Variants in KCNJ10 observed in about 807,000 individuals in gnomAD.
The protein encoded by KCNJ10 is potassium inwardly rectifying channel subfamily J member 10, also known as ATP-sensitive inward rectifier potassium channel 10.
Under a neutral mutation model 22.2 loss-of-function variants are expected in KCNJ10, and 9 were observed. The ratio of observed to expected loss-of-function variants is 0.40; its 90% CI spans 0.24 to 0.71. The LOEUF is 0.71. KCNJ10 is among the 30% of genes least tolerant of loss of function. KCNJ10 has a pLI of 0.35. For synonymous variants in KCNJ10, 184 were observed against 187.3 expected, an observed-to-expected ratio of 0.98 and a Z score of 0.15; for missense variants, 337 against 482.7, an observed-to-expected ratio of 0.70 and a Z score of 2.83.
At chr1:160,057,757 G>A (rs1272165255) in intron 1 of KCNJ10, among the ~76,000 whole-genome samples, 1 of 152,194 alleles carries the variant, frequency 6.6e-6, no homozygotes, top group Non-Finnish European at 1.5e-5. Context: ...ATTCCTTGGA[G>A]TCCCAGGGCC....
chr1:160,062,129 C>T lies in KCNJ10; in HGVS notation c.-1+7893G>A, dbSNP rs550318489. On this transcript the variant is annotated intron_variant, in intron 1 of 1. Transcript: ENST00000644903. The stretch of plus-strand genomic sequence containing the variant: ...AGGGCCTCTCCCCTCTGTGTGCCCT[C>T]TGCAGCCTGCCCTGTCAAATGCCCA... Among the ~76,000 whole-genome samples the T allele has an allele frequency of 3.0e-4, 45 of 152,176 alleles. 1 individual carries two copies. In the East Asian group the frequency reaches 6.4e-3, roughly 22 times the overall value.
chr1:160,052,751 A>G (rs896001632), intron 1 of KCNJ10, among the ~76,000 whole-genome samples: 1 of 152,216 alleles, frequency 6.6e-6, no homozygotes. Context: ...ACCTCAGTCA[A>G]GCCTCTCAGC....
chr1:160,066,632 G>A (rs907251074), intron 1 of KCNJ10, among the ~76,000 whole-genome samples: 4 of 152,106 alleles, frequency 2.6e-5, no homozygotes, highest in Admixed American at 1.3e-4. Flanking sequence ...AACCAGGACC[G>A]AATCCCACAA....
intron 1 of KCNJ10, among the ~76,000 whole-genome samples, chr1:160,062,031 C>T (rs1649210272): frequency 6.6e-6 from 1 of 151,970 alleles, no homozygotes; most frequent in South Asian, 2.1e-4. Context: ...CTCTGAGTGC[C>T]CCTTCCCCTT....
At chr1:160,054,752 A>G (rs1289247864) in intron 1 of KCNJ10, among the ~76,000 whole-genome samples, 4 of 64,214 alleles carry the variant, frequency 6.2e-5, no homozygotes, top group African/African-American at 1.8e-4. Flanking sequence ...TCCATCCCCA[A>G]CTTATCTCCA....
rs575516492 is a variant in KCNJ10, at chr1:160,042,697, G to A, written c.1-165C>T. Among the ~76,000 whole-genome samples the A allele has an allele frequency of 1.8e-4, 27 of 152,324 alleles. 2 individuals carry two copies. The South Asian group carries it at 5.4e-3, about 30-fold the overall frequency. On this transcript the variant is annotated intron_variant, in intron 1 of 1. Coordinates refer to ENST00000644903, the MANE Select transcript of KCNJ10 (RefSeq NM_002241.5). ...CTTGCTATGTGCCAGGCACTGTGCAGGGGCCGAGGCGGGTGGATCGCCTGA... is the reference window on the plus strand; with the variant it reads ...CTTGCTATGTGCCAGGCACTGTGCAAGGGCCGAGGCGGGTGGATCGCCTGA...
In KCNJ10 at chr1:160,057,342, C is replaced by G. The variant is rs141427249; in HGVS notation, c.-1+12680G>C. Among the ~76,000 whole-genome samples the G allele has an allele frequency of 1.7e-3, 257 of 152,332 alleles. 2 individuals are homozygous for G. Among genetic ancestry groups the G allele is most frequent in the African/African-American group, 5.6e-3 (234 of 41,568 alleles). On this transcript the variant is annotated intron_variant, in intron 1 of 1. Coordinates refer to ENST00000644903, the MANE Select transcript of KCNJ10 (RefSeq NM_002241.5). ...TTTTCCCTCACGTTGCCTCTCCACA[C>G]CCCAGTGGCCTTGATGATGCTCAAG...
In KCNJ10 at chr1:160,040,342, G is replaced by A; in HGVS notation, c.*1051C>T. ...ACTTTCTGGGGAATCTGTGCCCTGTGAATCTAGTTTTACTTGAGCATCCGT... is the reference window on the plus strand; with the variant it reads ...ACTTTCTGGGGAATCTGTGCCCTGTAAATCTAGTTTTACTTGAGCATCCGT... On this transcript the variant is annotated 3_prime_UTR_variant, in exon 2 of 2. Transcript: ENST00000644903. 2.6e-6 allele frequency: 1 copy of A among 390,844 alleles called. No homozygotes were observed. The allele number at this position is 390,844 out of a possible 1,614,324, so 24.2% of individuals were successfully genotyped here. A position where few individuals can be genotyped will look rare whatever the true frequency, so the allele number is the denominator to read the frequency against.
rs1257297944 is a variant in KCNJ10, at chr1:160,051,107, C to CTGGCCAGCTGGCCACCATGT, written c.1-8595_1-8576dup. On this transcript the variant is annotated intron_variant, in intron 1 of 1. Transcript: ENST00000644903. ...TACAGGCATGAGCCACCATAACCAG[C>CTGGCCAGCTGGCCACCATGT]TGGCCAGCTGGCCACCATGTTGGCC... Among the ~76,000 whole-genome samples, 891 of 152,086 alleles carry CTGGCCAGCTGGCCACCATGT rather than the reference C, an allele frequency of 5.9e-3. 12 individuals are homozygous for CTGGCCAGCTGGCCACCATGT. Among genetic ancestry groups the CTGGCCAGCTGGCCACCATGT allele is most frequent in the African/African-American group, 0.021 (859 of 41,408 alleles).
chr1:160,042,599 C>T (rs1358017290), intron 1 of KCNJ10, 67 bp from the exon 2 acceptor site: 2 of 1,332,786 alleles, frequency 1.5e-6, no homozygotes, highest in African/African-American at 2.9e-5. Flanking sequence ...ACCCTCACCC[C>T]ATGGGAGGGA....
chr1:160,051,472 T>C (rs1000756625), intron 1 of KCNJ10, among the ~76,000 whole-genome samples: 2 of 152,160 alleles, frequency 1.3e-5, no homozygotes, highest in African/African-American at 4.8e-5. Context: ...CACAATTTAT[T>C]GGTAGCAGAG....
intron 1 of KCNJ10, among the ~76,000 whole-genome samples, chr1:160,049,679 A>ATATATATATATATT (rs1648839617): frequency 3.6e-5 from 1 of 28,160 alleles, no homozygotes; most frequent in Non-Finnish European, 7.0e-5. Context: ...ATTTATTTAT[A>ATATATATATATATT]TATATATATA....
chr1:160,049,817 C>G (rs973258425), intron 1 of KCNJ10, among the ~76,000 whole-genome samples: 4 of 149,982 alleles, frequency 2.7e-5, no homozygotes, highest in Non-Finnish European at 5.9e-5. Flanking sequence ...CTAACCCACT[C>G]CAGCCATAGG....
rs35806377 is a variant in KCNJ10 at position 160,037,954 on chromosome 1, G to GAAGCATCAAAACCA, written c.*3425_*3438dup. 6.6e-6 allele frequency: 1 copy of GAAGCATCAAAACCA among 152,262 alleles called. No homozygotes were observed. The highest frequency in any genetic ancestry group is 1.5e-5 in the Non-Finnish European group (1 of 68,076). 9.4% of individuals were successfully genotyped at this position (152,262 alleles called of 1,614,324 possible). ...TAACCCCACTCCTCATTTTCATTCA[G>GAAGCATCAAAACCA]AAGCATCAAAACCAAAGCATCACCC... is the stretch of plus-strand genomic sequence containing the variant. On this transcript the variant is annotated 3_prime_UTR_variant, in exon 2 of 2. Coordinates refer to ENST00000644903, the MANE Select transcript of KCNJ10 (RefSeq NM_002241.5).
In KCNJ10 at chr1:160,042,358, A is replaced by C. The variant is rs1648629710; in HGVS notation, c.175T>G (p.Phe59Val). 6.2e-7 allele frequency: 1 copy of C among 1,613,332 alleles called. No homozygotes were observed. Among genetic ancestry groups the C allele is most frequent in the African/African-American group, 1.3e-5 (1 of 74,904 alleles). The change falls in exon 2 of 2, where the codon TTC becomes GTC. Residue 59 changes from phenylalanine (F) to valine (V), a missense_variant. Phe to Val is a conservative substitution (Grantham distance 50). This residue lies in a region of KCNJ10 where 107 missense variants were observed against 135.2 expected (regional missense o/e 0.79). Coordinates refer to ENST00000644903, the MANE Select transcript of KCNJ10 (RefSeq NM_002241.5). The part of the protein sequence containing the change: ...FLYLKDLWTT[F>V]IDMQWRYKLL... ...TTGTAGCGCCACTGCATGTCAATGAAGGTTGTCCACAGGTCCTTGAGGTAG... is the reference window on the plus strand; with the variant it reads ...TTGTAGCGCCACTGCATGTCAATGACGGTTGTCCACAGGTCCTTGAGGTAG...
chr1:160,041,150 C>A lies in KCNJ10; in HGVS notation c.*243G>T, dbSNP rs1225812035. 2 of 565,664 alleles carry A rather than the reference C, an allele frequency of 3.5e-6. No individual in the cohort carries two copies. Among genetic ancestry groups the A allele is most frequent in the African/African-American group, 1.9e-5 (1 of 53,142 alleles). 35.0% of individuals were successfully genotyped at this position (565,664 alleles called of 1,614,324 possible). A position where few individuals can be genotyped will look rare whatever the true frequency, so the allele number is the denominator to read the frequency against. On this transcript the variant is annotated 3_prime_UTR_variant, in exon 2 of 2. Coordinates refer to ENST00000644903, the MANE Select transcript of KCNJ10 (RefSeq NM_002241.5). This position sits in a 1 kb window ranked among gnomAD's most constrained non-coding sequence, Gnocchi z 4.4. ...CCACTTCAGCCTAATCCCACTCTTTCCCCCATCCTGGCTTAAGGGAGGTAT... is the reference window on the plus strand; with the variant it reads ...CCACTTCAGCCTAATCCCACTCTTTACCCCATCCTGGCTTAAGGGAGGTAT...
intron 1 of KCNJ10, chr1:160,062,646 G>T (rs1649230497): frequency 6.6e-6 from 1 of 152,250 alleles, no homozygotes; most frequent in Admixed American, 6.5e-5. Context: ...AGTGGAGCGG[G>T]AGGGGCTGCG....
Position 160,041,020 on chromosome 1 carries a change from A to T in KCNJ10, c.*373T>A, listed in dbSNP as rs1362263937. On this transcript the variant is annotated 3_prime_UTR_variant, in exon 2 of 2. Transcript: ENST00000644903. The surrounding 1 kb of genome is among the most constrained non-coding windows in gnomAD (Gnocchi z 4.4). ...GGTAACAGAGGGAGCTCCAGCCTCA[A>T]GTCACCAAACTTCATGGTGGTGGTG... is the stretch of plus-strand genomic sequence containing the variant. 2.9e-6 allele frequency: 1 copy of T among 350,692 alleles called. No homozygotes were observed. The highest frequency in any genetic ancestry group is 2.0e-5 in the African/African-American group (1 of 49,020). The allele number at this position is 350,692 out of a possible 1,614,324, so 21.7% of individuals were successfully genotyped here. A position where few individuals can be genotyped will look rare whatever the true frequency, so the allele number is the denominator to read the frequency against.
intron 1 of KCNJ10, among the ~76,000 whole-genome samples, chr1:160,061,227 C>A (rs1649182981): frequency 1.3e-5 from 2 of 152,148 alleles, no homozygotes; most frequent in Non-Finnish European, 2.9e-5. Context: ...CACAAAAAAA[C>A]TAGCGGTGAG....
Sources: gnomAD v4.1 joint callset for allele counts (sites outside exome capture counted in the v4.1 genomes callset) on GRCh38, gnomAD v4.1.1 for gene constraint, gnomAD v4.1.1 regional missense constraint, Gnocchi (gnomAD v3.1) non-coding constraint, MANE v1.5 for transcripts, NCBI Gene and HGNC (gene_info 2026-07-23, HGNC 2026-07-21) for gene names.